MTERF3: variants seen among roughly 807,000 people sequenced by gnomAD.
The protein encoded by MTERF3 is mitochondrial transcription termination factor 3, also known as transcription termination factor 3, mitochondrial.
Under a neutral mutation model 40.5 loss-of-function variants are expected in MTERF3, and 40 were observed. That is an observed-to-expected ratio of 0.99 (90% confidence interval 0.77 to 1.29). The LOEUF (loss-of-function observed/expected upper bound fraction) is 1.29. Among genes scored for constraint, MTERF3 ranks in the 50% most tolerant of loss-of-function variants. MTERF3 has a pLI of 0.00. For synonymous variants in MTERF3, 158 were observed against 166.6 expected (o/e 0.95, Z 0.40); for missense variants, 452 against 478.2 (o/e 0.95, Z 0.51).
intron 1 of MTERF3, among the ~76,000 whole-genome samples, chr8:96,260,491 C>CT (rs1810363752): frequency 6.6e-6 from 1 of 152,002 alleles, no homozygotes; most frequent in African/African-American, 2.4e-5. Flanking sequence ...TCAAATAATG[C>CT]TTTTTTAAAA....
chr8:96,241,513 A>G (rs983335874), intron 7 of MTERF3, among the ~76,000 whole-genome samples: 2 of 152,250 alleles, frequency 1.3e-5, no homozygotes, highest in Non-Finnish European at 2.9e-5. Flanking sequence ...TTTCCTAAAT[A>G]TAATAACACT....
intron 4 of MTERF3, 83 bp from the exon 5 acceptor site, chr8:96,246,537 G>T: frequency 8.0e-7 from 1 of 1,250,610 alleles, no homozygotes; most frequent in South Asian, 1.8e-5. Flanking sequence ...ACTTCCCAAA[G>T]TAACAGCTGT....
chr8:96,246,895 AAAATTAAGG>A (rs567824507), intron 4 of MTERF3, among the ~76,000 whole-genome samples: 4 of 152,086 alleles, frequency 2.6e-5, no homozygotes, highest in Non-Finnish European at 5.9e-5. Context: ...ACAAATTAAG[AAAATTAAGG>A]AAATAATGGT....
In MTERF3 at chr8:96,246,464, C is replaced by T. The variant is rs1810023660; in HGVS notation, c.678-10G>A. 1 of 1,596,522 alleles carries T rather than the reference C, an allele frequency of 6.3e-7. No individual in the cohort carries two copies. The highest frequency in any genetic ancestry group is 1.1e-5 in the South Asian group (1 of 87,932). ...ATGCAGATAAGCCACCCTAGAGAAA[C>T]ATAAATACATACGCATGTGATAAAC... is the stretch of plus-strand genomic sequence containing the variant. On this transcript the variant is annotated splice_polypyrimidine_tract_variant and intron_variant, in intron 4 of 7. Coordinates refer to ENST00000287025, the MANE Select transcript of MTERF3 (RefSeq NM_015942.5).
intron 3 of MTERF3, among the ~76,000 whole-genome samples, chr8:96,254,711 T>C (rs1018467469): frequency 1.6e-4 from 24 of 152,228 alleles, no homozygotes; most frequent in African/African-American, 5.3e-4. Context: ...ACTTATCACT[T>C]TGCTCTTCAT....
intron 4 of MTERF3, among the ~76,000 whole-genome samples, chr8:96,246,793 G>T (rs1404212732): frequency 6.6e-6 from 1 of 151,556 alleles, no homozygotes; most frequent in Non-Finnish European, 1.5e-5. Context: ...AATTAATCTG[G>T]TTTATTACTT....
intron 4 of MTERF3, 84 bp from the exon 5 acceptor site, chr8:96,246,538 T>A: frequency 8.0e-7 from 1 of 1,248,854 alleles, no homozygotes; most frequent in Non-Finnish European, 1.1e-6. Flanking sequence ...CTTCCCAAAG[T>A]AACAGCTGTT....
intron 6 of MTERF3, among the ~76,000 whole-genome samples, chr8:96,244,990 C>T (rs1022035892): frequency 6.6e-6 from 1 of 152,204 alleles, no homozygotes; most frequent in African/African-American, 2.4e-5. Context: ...AGTACACCCA[C>T]ATATGTGTTG....
At chr8:96,253,123 T>C (rs527750268) in intron 3 of MTERF3, among the ~76,000 whole-genome samples, 1 of 152,296 alleles carries the variant, frequency 6.6e-6, no homozygotes, top group Non-Finnish European at 1.5e-5. Context: ...TACACGTATT[T>C]AGTACATCAA....
intron 7 of MTERF3, among the ~76,000 whole-genome samples, chr8:96,242,428 C>T (rs557682044): frequency 4.9e-4 from 75 of 152,190 alleles, no homozygotes; most frequent in Non-Finnish European, 9.0e-4. Context: ...TTCAAATGTA[C>T]TTCTAGCAGA....
At chr8:96,249,020 A>C (rs998354529) in intron 4 of MTERF3, among the ~76,000 whole-genome samples, 1 of 152,240 alleles carries the variant, frequency 6.6e-6, no homozygotes, top group Non-Finnish European at 1.5e-5. Flanking sequence ...ATAGCCAGCC[A>C]GGTTTAGGAA....
intron 3 of MTERF3, among the ~76,000 whole-genome samples, chr8:96,253,866 G>T (rs1431336418): frequency 6.6e-6 from 1 of 150,876 alleles, no homozygotes. Flanking sequence ...AAAAAAATTA[G>T]CCCAGATGGC....
Position 96,246,457 on chromosome 8 carries a change from A to T in MTERF3, c.678-3T>A. Reference sequence around the variant, plus strand: ...TTTTTGAATGCAGATAAGCCACCCTAGAGAAACATAAATACATACGCATGT... The same window carrying T: ...TTTTTGAATGCAGATAAGCCACCCTTGAGAAACATAAATACATACGCATGT... On this transcript the variant is annotated splice_polypyrimidine_tract_variant and splice_region_variant and intron_variant, in intron 4 of 7. Transcript: ENST00000287025. 6.2e-7 allele frequency: 1 copy of T among 1,604,010 alleles called. No individual in the cohort carries two copies. Among genetic ancestry groups the T allele is most frequent in the Non-Finnish European group, 8.5e-7 (1 of 1,176,868 alleles).
intron 3 of MTERF3, among the ~76,000 whole-genome samples, chr8:96,253,714 A>G (rs73270001): frequency 0.058 from 8,791 of 152,110 alleles, 748 homozygotes; most frequent in African/African-American, 0.19. Flanking sequence ...TTATTTAAAG[A>G]TAAGGACTAG....
intron 3 of MTERF3, 64 bp downstream of exon 3, chr8:96,256,898 T>TA: frequency 1.4e-6 from 2 of 1,457,350 alleles, no homozygotes; most frequent in Non-Finnish European, 1.8e-6. Context: ...ATTGTTAATT[T>TA]AAAAAAGTAA....
In MTERF3 at chr8:96,245,851, T is replaced by TTG. The variant is rs756878391; in HGVS notation, c.897+7_897+8dup. Reference sequence around the variant, plus strand: ...AACTGATTTCTCAAAAAGCCTAAAGTTGTCCTACCTTCATATTTTCTTTCA... The same window carrying TTG: ...AACTGATTTCTCAAAAAGCCTAAAGTTGTGTCCTACCTTCATATTTTCTTTCA... On this transcript the variant is annotated intron_variant, in intron 6 of 7. Coordinates refer to ENST00000287025, the MANE Select transcript of MTERF3 (RefSeq NM_015942.5). 1.9e-6 allele frequency: 3 copies of TTG among 1,612,118 alleles called. No individual in the cohort carries two copies. Among genetic ancestry groups the TTG allele is most frequent in the Non-Finnish European group, 2.5e-6 (3 of 1,178,382 alleles).
chr8:96,245,703 T>C (rs1460073142), intron 6 of MTERF3, among the ~76,000 whole-genome samples, 157 bp downstream of exon 6: 1 of 152,256 alleles, frequency 6.6e-6, no homozygotes, highest in African/African-American at 2.4e-5. Context: ...AACTGCTTGC[T>C]AGACATTTGT....
chr8:96,244,154 ATT>A (rs1012651979), intron 6 of MTERF3, 74 bp from the exon 7 acceptor site: 3,698 of 1,019,196 alleles, frequency 3.6e-3, no homozygotes, highest in East Asian at 3.9e-3. Context: ...GGCTGCACTG[ATT>A]TTTTTTTTTT....
intron 7 of MTERF3, among the ~76,000 whole-genome samples, chr8:96,242,205 T>G (rs1182175476): frequency 1.3e-5 from 2 of 152,246 alleles, no homozygotes; most frequent in Non-Finnish European, 2.9e-5. Flanking sequence ...TTTTTCTGTT[T>G]TTATTCCCCA....
Sources: gnomAD v4.1 joint callset for allele counts (sites outside exome capture counted in the v4.1 genomes callset) on GRCh38, gnomAD v4.1.1 for gene constraint, MANE v1.5 for transcripts, NCBI Gene and HGNC (gene_info 2026-07-23, HGNC 2026-07-21) for gene names.